AKR1B1: variants seen among roughly 807,000 people sequenced by gnomAD.
The protein encoded by AKR1B1 is aldo-keto reductase family 1 member B1.
AKR1B1 carries 22 observed loss-of-function variants against 40.4 expected under a neutral mutation model. The ratio of observed to expected loss-of-function variants is 0.54; its 90% CI spans 0.39 to 0.78. The LOEUF (loss-of-function observed/expected upper bound fraction) is 0.78. AKR1B1 is among the 30% of genes least tolerant of loss of function. The pLI is 0.00. For synonymous variants in AKR1B1, 157 were observed against 149.9 expected, an observed-to-expected ratio of 1.05 and a Z score of -0.35; for missense variants, 357 against 396.7, an observed-to-expected ratio of 0.90 and a Z score of 0.85.
intron 1 of AKR1B1, among the ~76,000 whole-genome samples, chr7:134,453,205 C>T (rs776033710): frequency 6.6e-6 from 1 of 152,160 alleles, no homozygotes. Context: ...GGCTTGATGG[C>T]GCCTTGATTG....
In AKR1B1 at chr7:134,451,712, A is replaced by G. The variant is rs1255859217; in HGVS notation, c.108T>C (p.Ile36=). 6.2e-7 allele frequency: 1 copy of G among 1,614,142 alleles called. No individual in the cohort carries two copies. Among genetic ancestry groups the G allele is most frequent in the South Asian group, 1.1e-5 (1 of 91,084 alleles). ...GQVTEAVKVA[I]DVGYRHIDCA... is the part of the protein sequence containing the mutation. ...AGTCGATGTGGCGGTACCCGACGTC[A>G]ATGGCCACCTTCACGGCCTCAGTCA... Residue 36 remains isoleucine, a synonymous_variant, in exon 2 of 10, where the codon ATT becomes ATC. Coordinates refer to ENST00000285930, the MANE Select transcript of AKR1B1 (RefSeq NM_001628.4).
intron 8 of AKR1B1, among the ~76,000 whole-genome samples, 168 bp downstream of exon 8, chr7:134,447,130 C>G (rs1297488210): frequency 2.0e-5 from 3 of 152,190 alleles, no homozygotes; most frequent in Non-Finnish European, 4.4e-5. Flanking sequence ...GCACACGGCT[C>G]CACTGGTGAG....
chr7:134,446,471 G>A (rs530527382), intron 8 of AKR1B1, among the ~76,000 whole-genome samples: 1 of 152,220 alleles, frequency 6.6e-6, no homozygotes, highest in South Asian at 2.1e-4. Flanking sequence ...TGCTGCGCTC[G>A]GCACAGATCT....
chr7:134,454,002 G>A (rs969381599), intron 1 of AKR1B1, among the ~76,000 whole-genome samples: 10 of 152,114 alleles, frequency 6.6e-5, no homozygotes, highest in African/African-American at 2.4e-4. Flanking sequence ...CAAACAGAAG[G>A]AGGGGTCCAG....
At chr7:134,444,255 G>A (rs1420236108) in intron 9 of AKR1B1, among the ~76,000 whole-genome samples, 1 of 152,260 alleles carries the variant, frequency 6.6e-6, no homozygotes, top group Admixed American at 6.5e-5. Flanking sequence ...CCTGTGACAT[G>A]CTCTGTTTGC....
upstream of AKR1B1, chr7:134,459,102 G>A (rs370154483): frequency 2.0e-5 from 31 of 1,580,752 alleles, no homozygotes; most frequent in African/African-American, 3.8e-4. Flanking sequence ...GTACGGTGCG[G>A]CCTTGGCCGC....
chr7:134,458,942 G>C, intron 1 of AKR1B1, 55 bp downstream of exon 1: 1 of 1,557,798 alleles, frequency 6.4e-7, no homozygotes. Context: ...CGCCAATACA[G>C]GCCGCGCGGA....
chr7:134,447,493 A>G, intron 7 of AKR1B1, 112 bp from the exon 8 acceptor site: 1 of 924,024 alleles, frequency 1.1e-6, no homozygotes, highest in Non-Finnish European at 1.8e-6. Context: ...TCCACAGGTG[A>G]TCAGAGAGGG....
intron 1 of AKR1B1, among the ~76,000 whole-genome samples, chr7:134,456,129 C>T (rs1004599625): frequency 1.3e-5 from 2 of 152,238 alleles, no homozygotes; most frequent in East Asian, 3.8e-4. Context: ...GTCACAAAGA[C>T]AGGCAAAGGA....
chr7:134,448,084 G>C, intron 6 of AKR1B1, 23 bp from the exon 7 acceptor site: 2 of 1,591,876 alleles, frequency 1.3e-6, no homozygotes, highest in Non-Finnish European at 1.7e-6. Flanking sequence ...AGACAGTCCA[G>C]GTCACACCAT....
At chr7:134,454,339 G>A (rs1003958708) in intron 1 of AKR1B1, among the ~76,000 whole-genome samples, 4 of 152,192 alleles carry the variant, frequency 2.6e-5, no homozygotes, top group African/African-American at 9.7e-5. Flanking sequence ...CTTCAAGACA[G>A]CGGTCCTAGT....
At chr7:134,458,935 C>A in intron 1 of AKR1B1, 62 bp downstream of exon 1, 1 of 1,545,736 alleles carries the variant, frequency 6.5e-7, no homozygotes, top group South Asian at 1.2e-5. Context: ...GGTCCCTCGC[C>A]AATACAGGCC....
intron 1 of AKR1B1, among the ~76,000 whole-genome samples, chr7:134,454,292 A>T (rs1806396700): frequency 6.6e-6 from 1 of 152,214 alleles, no homozygotes. Flanking sequence ...AAGTGATGGC[A>T]GTGAGAAGCC....
At chr7:134,447,118 C>T (rs1375841199) in intron 8 of AKR1B1, among the ~76,000 whole-genome samples, 180 bp downstream of exon 8, 2 of 152,200 alleles carry the variant, frequency 1.3e-5, no homozygotes, top group Non-Finnish European at 2.9e-5. Context: ...AGGCCTGCCC[C>T]TGCACACGGC....
At chr7:134,445,520 T>G (rs1050929537) in intron 8 of AKR1B1, among the ~76,000 whole-genome samples, 200 bp from the exon 9 acceptor site, 4 of 152,256 alleles carry the variant, frequency 2.6e-5, no homozygotes, top group African/African-American at 9.6e-5. Context: ...GAAACAGTCC[T>G]TCCTTTCCAG....
intron 7 of AKR1B1, 59 bp downstream of exon 7, chr7:134,447,921 C>T: frequency 1.4e-6 from 2 of 1,446,080 alleles, no homozygotes; most frequent in African/African-American, 1.4e-5. Context: ...TCTTGGCTAA[C>T]AGGACTGTCA....
intron 1 of AKR1B1, among the ~76,000 whole-genome samples, chr7:134,452,004 G>A (rs991085363): frequency 6.6e-6 from 1 of 152,192 alleles, no homozygotes; most frequent in African/African-American, 2.4e-5. Context: ...ACTTTTAAAA[G>A]ATATGCTGAA....
intron 4 of AKR1B1, 185 bp from the exon 5 acceptor site, chr7:134,449,304 A>G (rs1406836298): frequency 4.8e-6 from 4 of 834,120 alleles, no homozygotes; most frequent in Non-Finnish European, 7.8e-6. Context: ...AAGAGCAAAC[A>G]GGCCGGGCGC....
chr7:134,450,058 G>A (rs1452368688), intron 3 of AKR1B1, among the ~76,000 whole-genome samples: 1 of 152,226 alleles, frequency 6.6e-6, no homozygotes, highest in Admixed American at 6.5e-5. Flanking sequence ...TGTGGATACA[G>A]GAAGGACTCA....
Sources: allele counts gnomAD v4.1 joint callset (sites outside exome capture counted in the v4.1 genomes callset), GRCh38; gene constraint gnomAD v4.1.1; transcripts MANE v1.5; gene names NCBI Gene and HGNC (gene_info 2026-07-23, HGNC 2026-07-21).